Variants in GSN observed in about 807,000 individuals in gnomAD.
GSN encodes the protein actin-depolymerizing factor.
GSN carries 56 observed loss-of-function variants against 85.7 expected under a neutral mutation model. The ratio of observed to expected loss-of-function variants is 0.65; its 90% CI spans 0.53 to 0.82. GSN has a LOEUF of 0.82. Ranked by LOEUF, GSN falls within the 40% of genes least tolerant of loss-of-function variation. The pLI is 0.00. For missense variants in GSN, 857 were observed against 979.8 expected, an observed-to-expected ratio of 0.87 and a Z score of 1.67; for synonymous variants, 373 against 399.1, an observed-to-expected ratio of 0.93 and a Z score of 0.78.
chr9:121,219,142 C>A (rs931573897), intron 4 of GSN, among the ~76,000 whole-genome samples: 4 of 152,230 alleles, frequency 2.6e-5, no homozygotes, highest in South Asian at 4.1e-4. Context: ...CTCCTCTGGC[C>A]GGGCAGTTCT....
At chr9:121,205,227 A>G (rs1230343438), upstream of GSN, among the ~76,000 whole-genome samples, 1 of 152,226 alleles carries the variant, frequency 6.6e-6, no homozygotes. Context: ...TAATCTGTGG[A>G]AAGAAAGATT....
At chr9:121,254,771 A>C (rs1481552331) in intron 6 of GSN, among the ~76,000 whole-genome samples, 1 of 152,144 alleles carries the variant, frequency 6.6e-6, no homozygotes, top group Non-Finnish European at 1.5e-5. Flanking sequence ...ACATATATCT[A>C]GTTTAAAATT....
chr9:121,261,321 G>A lies in GSN; in HGVS notation c.-340-3833G>A, dbSNP rs1353227566. 1.3e-5 allele frequency among the ~76,000 whole-genome samples: 2 copies of A among 152,260 alleles called. No individual in the cohort carries two copies. The highest frequency in any genetic ancestry group is 2.1e-4 in the South Asian group (1 of 4,836). On this transcript the variant is annotated intron_variant, in intron 6 of 24. Coordinates refer to the GSN transcript ENST00000373823. This position sits in a 1 kb window ranked among gnomAD's most constrained non-coding sequence, Gnocchi z 4.1. ...GCCCCTGTGCCCCTCCACAGGAAAC[G>A]TCTTGATTTTGCTCCAACAGTGTCA...
At position 121,299,869 on chromosome 9, in the gene GSN, C is replaced by T. The variant is rs1184835172; in HGVS notation, c.-9-2094C>T. 9 of 1,331,398 alleles carry T rather than the reference C, an allele frequency of 6.8e-6. No individual in the cohort carries two copies. The highest frequency in any genetic ancestry group is 8.7e-6 in the Non-Finnish European group (9 of 1,032,870). The allele number at this position is 1,331,398 out of a possible 1,614,324, so 82.5% of individuals were successfully genotyped here. ...CCTGCCGCTGTCGCCACCATGGCTC[C>T]GCACCGCCCCGCGCCCGCGCTGCTT... On this transcript the variant is annotated intron_variant, in intron 2 of 17. Transcript: ENST00000432226. The surrounding 1 kb of genome is among the most constrained non-coding windows in gnomAD (Gnocchi z 4.2).
chr9:121,327,574 C>A, intron 14 of GSN, 92 bp downstream of exon 14: 1 of 1,041,062 alleles, frequency 9.6e-7, no homozygotes, highest in Non-Finnish European at 1.4e-6. Flanking sequence ...TAAATCCTCC[C>A]CTCCATCCCA....
chr9:121,219,884 CTT>C (rs773081215), intron 4 of GSN, among the ~76,000 whole-genome samples: 8 of 144,778 alleles, frequency 5.5e-5, no homozygotes, highest in African/African-American at 2.5e-5. Context: ...TTTTTCTTTT[CTT>C]TTTTTTTTTT....
chr9:121,226,185 A>C (rs1448524166), intron 4 of GSN, among the ~76,000 whole-genome samples: 1 of 152,216 alleles, frequency 6.6e-6, no homozygotes, highest in African/African-American at 2.4e-5. Context: ...AGGCTCTTCA[A>C]GTCATTCCTC....
chr9:121,228,437 T>A (rs1227071828), intron 4 of GSN, among the ~76,000 whole-genome samples: 2,076 of 123,566 alleles, frequency 0.017, 168 homozygotes, highest in African/African-American at 0.068. Context: ...TTTTTTTTTT[T>A]TTTTTTTTTT....
At chr9:121,289,721 C>G (rs1434614786) in intron 2 of GSN, among the ~76,000 whole-genome samples, 2 of 152,092 alleles carry the variant, frequency 1.3e-5, no homozygotes, top group Non-Finnish European at 2.9e-5. Flanking sequence ...GAGGCAGAGC[C>G]AAGGCTAGAC....
intron 1 of GSN, among the ~76,000 whole-genome samples, chr9:121,208,921 T>TCAGTGGACCATGAAATCTTTCCCAC (rs2053925745): frequency 6.6e-6 from 1 of 152,240 alleles, no homozygotes; most frequent in South Asian, 2.1e-4. Context: ...ACAGGGACCA[T>TCAGTGGACCATGAAATCTTTCCCAC]CAGTGGACCA....
chr9:121,227,285 T>G (rs1157363101), intron 4 of GSN, among the ~76,000 whole-genome samples: 2 of 151,782 alleles, frequency 1.3e-5, no homozygotes, highest in East Asian at 3.9e-4. Flanking sequence ...TCCCAGCTAC[T>G]AAGGAGGCTG....
At chr9:121,300,028 G>A (rs1263111502) in intron 2 of GSN, 7 of 1,525,272 alleles carry the variant, frequency 4.6e-6, no homozygotes, top group Non-Finnish European at 6.2e-6. Flanking sequence ...GGGGCCCCGG[G>A]GCTCCCGGAG....
intron 2 of GSN, among the ~76,000 whole-genome samples, chr9:121,290,864 A>G (rs1011482227): frequency 1.3e-5 from 2 of 152,090 alleles, no homozygotes; most frequent in Admixed American, 6.6e-5. Flanking sequence ...ATAGAGAGAG[A>G]CAGGGTCTCA....
chr9:121,304,367 C>T (rs1266258103), intron 4 of GSN, among the ~76,000 whole-genome samples: 1 of 152,252 alleles, frequency 6.6e-6, no homozygotes, highest in Non-Finnish European at 1.5e-5. Context: ...ACAGCCCTTT[C>T]TGGGGCCTTG....
At chr9:121,328,751 G>T (rs1188942778) in intron 14 of GSN, 140 bp from the exon 15 acceptor site, 9 of 918,232 alleles carry the variant, frequency 9.8e-6, no homozygotes, top group Non-Finnish European at 1.4e-5. Flanking sequence ...CTTCCCTCTG[G>T]ATCTCCTGGG....
At chr9:121,232,913 G>A in intron 5 of GSN, among the ~76,000 whole-genome samples, 1 of 152,196 alleles carries the variant, frequency 6.6e-6, no homozygotes. Context: ...ACAATTCAGA[G>A]GAACCATTGT....
At chr9:121,204,085 C>CT (rs1380146304), upstream of GSN, among the ~76,000 whole-genome samples, 5 of 152,276 alleles carry the variant, frequency 3.3e-5, no homozygotes, top group East Asian at 9.6e-4. Context: ...GCCATTATCA[C>CT]CTGAAGGGAG....
chr9:121,224,808 TAATA>T lies in GSN; in HGVS notation c.-527-6337_-527-6334del, dbSNP rs55879249. The stretch of plus-strand genomic sequence containing the variant: ...TCACTAATGGGCCAAACACTTAAAA[TAATA>T]AATAAATAAATAAATAAATTTATTG... On this transcript the variant is annotated intron_variant, in intron 4 of 24. Coordinates refer to the GSN transcript ENST00000373823. 1.6e-3 allele frequency among the ~76,000 whole-genome samples: 232 copies of T among 146,394 alleles called. 1 individual carries two copies. Among genetic ancestry groups the T allele is most frequent in the Non-Finnish European group, 2.7e-3 (179 of 67,002 alleles).
chr9:121,321,156 A>T, intron 10 of GSN, 112 bp from the exon 11 acceptor site: 1 of 1,169,226 alleles, frequency 8.6e-7, no homozygotes, highest in Non-Finnish European at 1.3e-6. Flanking sequence ...CCAAGTGATT[A>T]AAAGTTCATC....
Sources: gnomAD v4.1 joint callset for allele counts (sites outside exome capture counted in the v4.1 genomes callset) on GRCh38, gnomAD v4.1.1 for gene constraint, Gnocchi (gnomAD v3.1) non-coding constraint, MANE v1.5 for transcripts, NCBI Gene and HGNC (gene_info 2026-07-23, HGNC 2026-07-21) for gene names.